The following TMEM163 variants were observed in gnomAD, a reference collection of about 807,000 sequenced individuals.
TMEM163 encodes the protein transmembrane protein 163.
A neutral mutation model predicts 29.3 loss-of-function variants in TMEM163; 17 were observed. That is an observed-to-expected ratio of 0.58 (90% confidence interval 0.40 to 0.87). TMEM163 has a LOEUF of 0.87. Among genes scored for constraint, TMEM163 ranks in the 40% least tolerant of loss-of-function variants. The pLI is 0.00. For synonymous variants in TMEM163, 157 were observed against 160.6 expected (o/e 0.98, Z 0.17); for missense variants, 303 against 381.5 (o/e 0.79, Z 1.71).
chr2:134,602,819 C>G (rs772078267), intron 2 of TMEM163, among the ~76,000 whole-genome samples: 3 of 151,992 alleles, frequency 2.0e-5, no homozygotes, highest in Non-Finnish European at 2.9e-5. Context: ...GGGAGTGTCC[C>G]ACCGCCGAGG....
At chr2:134,587,694 G>A (rs1681852809) in intron 2 of TMEM163, among the ~76,000 whole-genome samples, 1 of 152,202 alleles carries the variant, frequency 6.6e-6, no homozygotes, top group African/African-American at 2.4e-5. Context: ...GAGATCCAAA[G>A]GCTTCTGGCT....
At chr2:134,585,150 A>C (rs567101454) in intron 2 of TMEM163, among the ~76,000 whole-genome samples, 1 of 152,218 alleles carries the variant, frequency 6.6e-6, no homozygotes. Flanking sequence ...AGGGACAGAA[A>C]GAGATGGCAA....
chr2:134,717,929 G>C (rs1480013139), intron 1 of TMEM163, among the ~76,000 whole-genome samples: 2 of 152,176 alleles, frequency 1.3e-5, no homozygotes, highest in Admixed American at 6.5e-5. Context: ...CGACTCAAGG[G>C]GGCATCGGCA....
chr2:134,589,307 A>T (rs1681889311), intron 2 of TMEM163, among the ~76,000 whole-genome samples: 1 of 152,218 alleles, frequency 6.6e-6, no homozygotes, highest in South Asian at 2.1e-4. Flanking sequence ...GCTGAGACCC[A>T]CTGGGCTGCA....
At position 134,466,175 on chromosome 2, in the gene TMEM163, G is replaced by A. The variant is rs1686665952; in HGVS notation, c.606C>T (p.Ile202=). ...CCAGCATGAACTTCAACACGGCCAG[G>A]ATGCTGCAAAGAATCCCACTTAAAA... ...VSILSGILCS[I]LAVLKFMLGK... The change falls in exon 6 of 8, where the codon ATC becomes ATT. Residue 202 remains isoleucine, a synonymous_variant. Transcript: ENST00000281924. The A allele has an allele frequency of 1.2e-6, 2 of 1,614,084 alleles. No homozygotes were observed. The highest frequency in any genetic ancestry group is 1.7e-6 in the Non-Finnish European group (2 of 1,180,010).
intron 2 of TMEM163, among the ~76,000 whole-genome samples, chr2:134,664,866 TTTTTG>T (rs1683838183): frequency 6.6e-6 from 1 of 152,244 alleles, no homozygotes; most frequent in East Asian, 1.9e-4. Flanking sequence ...GTTGGGTTTT[TTTTTG>T]TTTTGTTTTA....
chr2:134,672,242 T>C (rs145302789), intron 2 of TMEM163, among the ~76,000 whole-genome samples: 29 of 152,264 alleles, frequency 1.9e-4, no homozygotes, highest in African/African-American at 7.0e-4. Context: ...ATATGGAAAG[T>C]TCATGAATTT....
At chr2:134,660,191 G>T (rs1683716918) in intron 2 of TMEM163, among the ~76,000 whole-genome samples, 1 of 152,148 alleles carries the variant, frequency 6.6e-6, no homozygotes, top group African/African-American at 2.4e-5. Context: ...GGAGAGTTTA[G>T]ATTTTTGTTC....
chr2:134,524,542 T>G (rs1680252798), intron 4 of TMEM163, among the ~76,000 whole-genome samples: 1 of 149,574 alleles, frequency 6.7e-6, no homozygotes, highest in Non-Finnish European at 1.5e-5. Context: ...CCCCTACCCA[T>G]AGGCCCCAGT....
chr2:134,502,866 C>A lies in TMEM163; in HGVS notation c.555+35G>T, dbSNP rs181182008. 3 of 1,601,384 alleles carry A rather than the reference C, an allele frequency of 1.9e-6. No individual in the cohort carries two copies. In the East Asian group the frequency reaches 6.7e-5, roughly 36 times the overall value. ...AGGCAGCCCAGGGGGCCAGCGCTGG[C>A]AGGAAGGATTGTTAAGGAAGAAGAA... On this transcript the variant is annotated intron_variant, in intron 5 of 7. Transcript: ENST00000281924.
intron 2 of TMEM163, among the ~76,000 whole-genome samples, chr2:134,606,444 G>A (rs1682363331): frequency 6.6e-6 from 1 of 152,038 alleles, no homozygotes; most frequent in Non-Finnish European, 1.5e-5. Flanking sequence ...AAAGTCAAGG[G>A]CATCCTTCAG....
chr2:134,548,941 T>C (rs1051045628), intron 4 of TMEM163, among the ~76,000 whole-genome samples: 6 of 152,174 alleles, frequency 3.9e-5, no homozygotes, highest in Admixed American at 3.3e-4. Context: ...GTATTTCAAA[T>C]TTTGGATTTT....
intron 2 of TMEM163, among the ~76,000 whole-genome samples, chr2:134,583,065 A>T (rs1002816857): frequency 2.0e-5 from 3 of 152,214 alleles, no homozygotes; most frequent in African/African-American, 7.2e-5. Context: ...ATATGAGAAG[A>T]ACTTCATTTC....
At chr2:134,541,990 T>G (rs1558939222) in intron 4 of TMEM163, among the ~76,000 whole-genome samples, 1 of 152,212 alleles carries the variant, frequency 6.6e-6, no homozygotes, top group African/African-American at 2.4e-5. Flanking sequence ...GGGAATGAAA[T>G]TGAGGCATCA....
rs941073127 is a variant in TMEM163 at position 134,561,409 on chromosome 2, C to T, written c.323-9318G>A. 3.3e-5 allele frequency among the ~76,000 whole-genome samples: 5 copies of T among 151,280 alleles called. No homozygotes were observed. In the East Asian group the frequency reaches 7.8e-4, roughly 24 times the overall value. ...TTTTTTAGTGGAGACAGGGTTTCACCGTGTTAGCCAGAATGGTCTCGATCT... is the reference window on the plus strand; with the variant it reads ...TTTTTTAGTGGAGACAGGGTTTCACTGTGTTAGCCAGAATGGTCTCGATCT... On this transcript the variant is annotated intron_variant, in intron 2 of 7. Transcript: ENST00000281924.
intron 2 of TMEM163, among the ~76,000 whole-genome samples, chr2:134,585,998 A>G (rs1472192507): frequency 6.6e-6 from 1 of 152,202 alleles, no homozygotes; most frequent in Admixed American, 6.5e-5. Flanking sequence ...TTGAAAGAAG[A>G]GCCCAACAAA....
chr2:134,622,826 G>A (rs1483601284), intron 2 of TMEM163, among the ~76,000 whole-genome samples: 4 of 151,880 alleles, frequency 2.6e-5, no homozygotes, highest in Non-Finnish European at 5.9e-5. Context: ...GGAGTGACAC[G>A]ATCTCGGCTC....
intron 2 of TMEM163, among the ~76,000 whole-genome samples, chr2:134,622,258 A>T (rs1354818026): frequency 1.3e-5 from 2 of 152,206 alleles, no homozygotes; most frequent in African/African-American, 4.8e-5. Context: ...AAATTCTACA[A>T]CTGGCAAATT....
chr2:134,579,448 TA>T (rs1316356646), intron 2 of TMEM163, among the ~76,000 whole-genome samples: 1 of 152,226 alleles, frequency 6.6e-6, no homozygotes, highest in Non-Finnish European at 1.5e-5. Context: ...ATGAAGTTTC[TA>T]ACACTGAGAA....
Sources: allele counts gnomAD v4.1 joint callset (sites outside exome capture counted in the v4.1 genomes callset), GRCh38; gene constraint gnomAD v4.1.1; transcripts MANE v1.5; gene names NCBI Gene and HGNC (gene_info 2026-07-23, HGNC 2026-07-21).